CPPED1: variants seen among roughly 807,000 people sequenced by gnomAD.
The protein encoded by CPPED1 is serine/threonine-protein phosphatase CPPED1.
In CPPED1, 28 loss-of-function variants were observed where a neutral mutation model predicts 28.0. That is an observed-to-expected ratio of 1.00 (90% CI 0.74 to 1.37). The LOEUF is 1.37. Ranked by LOEUF, CPPED1 falls within the 40% of genes most tolerant of loss-of-function variation. CPPED1 has a pLI of 0.00. For synonymous variants in CPPED1, 198 were observed against 180.2 expected (o/e 1.10, Z -0.79); for missense variants, 504 against 416.5 (o/e 1.21, Z -1.83).
chr16:12,784,735 C>T (rs4513082), intron 1 of CPPED1, among the ~76,000 whole-genome samples: 63,013 of 152,028 alleles, frequency 0.41, 13,732 homozygotes, highest in South Asian at 0.65. Flanking sequence ...GAGGTGAACA[C>T]AGGCACCCCA....
intron 2 of CPPED1, among the ~76,000 whole-genome samples, chr16:12,777,311 C>T (rs1049776736): frequency 1.3e-5 from 2 of 152,172 alleles, no homozygotes; most frequent in African/African-American, 4.8e-5. Context: ...TCAAAGGAAT[C>T]TCTTGCACCC....
chr16:12,692,010 T>C (rs1301905374), intron 3 of CPPED1, among the ~76,000 whole-genome samples: 3 of 151,912 alleles, frequency 2.0e-5, no homozygotes, highest in African/African-American at 7.3e-5. Flanking sequence ...TGCACCACCA[T>C]GCCTGGATAA....
At chr16:12,777,821 A>C (rs2080506114) in intron 2 of CPPED1, among the ~76,000 whole-genome samples, 1 of 151,450 alleles carries the variant, frequency 6.6e-6, no homozygotes, top group African/African-American at 2.4e-5. Context: ...TGTGGATGAT[A>C]AGTACTATAA....
chr16:12,773,975 T>C (rs1423711019), intron 2 of CPPED1, among the ~76,000 whole-genome samples: 1 of 152,160 alleles, frequency 6.6e-6, no homozygotes, highest in Non-Finnish European at 1.5e-5. Context: ...GTGGCATCAC[T>C]GGAATACCTG....
intron 3 of CPPED1, among the ~76,000 whole-genome samples, chr16:12,676,405 G>A (rs1309752252): frequency 2.6e-5 from 4 of 152,284 alleles, no homozygotes; most frequent in Non-Finnish European, 4.4e-5. Context: ...CGTTTTATTC[G>A]CTGGACATCT....
In CPPED1 at chr16:12,663,310, C is replaced by T. The variant is rs1168503020; in HGVS notation, c.*1576G>A. The T allele has an allele frequency of 1.3e-5, 2 of 152,272 alleles. No individual in the cohort carries two copies. The highest frequency in any genetic ancestry group is 2.9e-5 in the Non-Finnish European group (2 of 68,092). 9.4% of individuals were successfully genotyped at this position (152,272 alleles called of 1,614,324 possible). A position where few individuals can be genotyped will look rare whatever the true frequency, so the allele number is the denominator to read the frequency against. On this transcript the variant is annotated 3_prime_UTR_variant, in exon 4 of 4. Transcript: ENST00000381774. ...TCCTGATCTCAGGTGATCTGCCCGTCTCAGCCTCCCAAAGTGCTGGGATTA... is the reference window on the plus strand; with the variant it reads ...TCCTGATCTCAGGTGATCTGCCCGTTTCAGCCTCCCAAAGTGCTGGGATTA...
intron 2 of CPPED1, among the ~76,000 whole-genome samples, chr16:12,744,571 G>A (rs556655890): frequency 1.3e-5 from 2 of 152,154 alleles, no homozygotes; most frequent in Non-Finnish European, 2.9e-5. Context: ...CCCTACAGGC[G>A]TCGGACTGCA....
chr16:12,668,302 T>C (rs1254503887), intron 3 of CPPED1, among the ~76,000 whole-genome samples: 4 of 152,198 alleles, frequency 2.6e-5, no homozygotes, highest in African/African-American at 7.2e-5. Context: ...TTTAAACCTA[T>C]TTTTTAATGT....
At chr16:12,728,505 C>T (rs1389860180) in intron 2 of CPPED1, among the ~76,000 whole-genome samples, 3 of 151,778 alleles carry the variant, frequency 2.0e-5, no homozygotes, top group Non-Finnish European at 4.4e-5. Context: ...TTGGGTGTGA[C>T]CAAGTGAAGC....
intron 2 of CPPED1, among the ~76,000 whole-genome samples, chr16:12,758,481 G>A (rs954611843): frequency 1.2e-4 from 18 of 152,134 alleles, no homozygotes; most frequent in South Asian, 4.1e-4. Flanking sequence ...AGCTGGAAGC[G>A]AATACAAGAA....
At chr16:12,712,668 G>A (rs950501793) in intron 2 of CPPED1, among the ~76,000 whole-genome samples, 3 of 152,180 alleles carry the variant, frequency 2.0e-5, no homozygotes, top group African/African-American at 4.8e-5. Flanking sequence ...GGTTTGGGGA[G>A]CAAGGGTTGG....
intron 2 of CPPED1, chr16:12,780,972 G>A (rs2080526840): frequency 3.5e-6 from 2 of 575,606 alleles, no homozygotes; most frequent in South Asian, 2.1e-5. Flanking sequence ...AACTGTAGCT[G>A]TGCCTAATTA....
At chr16:12,793,390 G>A (rs1446837856) in intron 1 of CPPED1, among the ~76,000 whole-genome samples, 2 of 152,128 alleles carry the variant, frequency 1.3e-5, no homozygotes, top group Admixed American at 1.3e-4. Flanking sequence ...AGACCATGCT[G>A]ACAACAGACT....
intron 1 of CPPED1, among the ~76,000 whole-genome samples, chr16:12,788,785 T>G (rs1764867446): frequency 6.6e-6 from 1 of 152,162 alleles, no homozygotes; most frequent in South Asian, 2.1e-4. Context: ...CTCCAAAAAG[T>G]TTCCTTCAAA....
intron 3 of CPPED1, among the ~76,000 whole-genome samples, chr16:12,690,660 A>AT (rs2079957625): frequency 8.3e-6 from 1 of 120,720 alleles, no homozygotes; most frequent in South Asian, 2.5e-4. Flanking sequence ...TCTAGTTTCT[A>AT]CCAAAAAAAA....
chr16:12,780,654 C>G (rs1234970977), intron 2 of CPPED1, among the ~76,000 whole-genome samples: 1 of 151,628 alleles, frequency 6.6e-6, no homozygotes, highest in Non-Finnish European at 1.5e-5. Flanking sequence ...TATAACCAAG[C>G]TGACCCCCTA....
Position 12,665,042 on chromosome 16 carries a change from C to T in CPPED1, c.789G>A (p.Val263=), listed in dbSNP as rs1208548326. 2 of 1,609,932 alleles carry T rather than the reference C, an allele frequency of 1.2e-6. No homozygotes were observed. The highest frequency in any genetic ancestry group is 3.4e-5 in the Admixed American group (2 of 58,516). ...GGTYQNLDMV[V]SSAIGCQLGR... is the part of the protein sequence containing the mutation. The stretch of plus-strand genomic sequence containing the variant: ...CCAGCTGGCATCCAATGGCAGATGA[C>T]ACCACCATGTCGAGGTTCTGGTAGG... Residue 263 remains valine, a synonymous_variant, in exon 4 of 4, where the codon GTG becomes GTA. Coordinates refer to ENST00000381774, the MANE Select transcript of CPPED1 (RefSeq NM_018340.3).
At chr16:12,665,817 T>A (rs973740998) in intron 3 of CPPED1, among the ~76,000 whole-genome samples, 1 of 152,120 alleles carries the variant, frequency 6.6e-6, no homozygotes. Flanking sequence ...CCCAGCTACC[T>A]GGGAGGCTGA....
In CPPED1 at chr16:12,781,168, G is replaced by A. The variant is rs200807229; in HGVS notation, c.289+17C>T. The A allele has an allele frequency of 1.1e-5, 17 of 1,603,830 alleles. No individual in the cohort carries two copies. In the East Asian group the frequency reaches 2.0e-4, roughly 19 times the overall value. On this transcript the variant is annotated intron_variant, in intron 2 of 3. Transcript: ENST00000381774. ...GGCTGAAGGAGAAAAGGTCACAAGCGATGACCCGAGTCTTACCTGGCATGG... is the reference window on the plus strand; with the variant it reads ...GGCTGAAGGAGAAAAGGTCACAAGCAATGACCCGAGTCTTACCTGGCATGG...
Sources: gnomAD v4.1 joint callset for allele counts (sites outside exome capture counted in the v4.1 genomes callset) on GRCh38, gnomAD v4.1.1 for gene constraint, MANE v1.5 for transcripts, NCBI Gene and HGNC (gene_info 2026-07-23, HGNC 2026-07-21) for gene names.